Variants in CCSER1 observed in about 807,000 individuals in gnomAD.
The protein encoded by CCSER1 is serine-rich coiled-coil domain-containing protein 1.
Under a neutral mutation model 82.0 loss-of-function variants are expected in CCSER1, and 41 were observed. That is an observed-to-expected ratio of 0.50 (90% CI 0.39 to 0.65). The LOEUF (loss-of-function observed/expected upper bound fraction) is 0.65. Ranked by LOEUF, CCSER1 falls within the 30% of genes least tolerant of loss-of-function variation. The pLI, the probability that CCSER1 is intolerant of heterozygous loss-of-function variation, is 0.00. For synonymous variants in CCSER1, 414 were observed against 383.9 expected, an observed-to-expected ratio of 1.08 and a Z score of -0.92; for missense variants, 1,119 against 1,064.2, an observed-to-expected ratio of 1.05 and a Z score of -0.72.
chr4:90,441,741 CCT>C, intron 4 of CCSER1, among the ~76,000 whole-genome samples: 1 of 152,262 alleles, frequency 6.6e-6, no homozygotes, highest in Non-Finnish European at 1.5e-5. Flanking sequence ...TCCACAAGTA[CCT>C]CGTGTCTGTG....
chr4:90,954,909 C>A (rs1041965977), intron 9 of CCSER1, among the ~76,000 whole-genome samples: 1 of 152,130 alleles, frequency 6.6e-6, no homozygotes, highest in Admixed American at 6.6e-5. Flanking sequence ...CTTCTATATA[C>A]ATGTATGCCC....
intron 10 of CCSER1, among the ~76,000 whole-genome samples, chr4:91,131,122 T>A (rs1403399220): frequency 6.6e-6 from 1 of 151,886 alleles, no homozygotes; most frequent in African/African-American, 2.4e-5. Flanking sequence ...CACTTATTAT[T>A]TTTGTTCTAA....
At chr4:91,259,578 C>A (rs895982765) in intron 10 of CCSER1, among the ~76,000 whole-genome samples, 2 of 152,006 alleles carry the variant, frequency 1.3e-5, no homozygotes, top group South Asian at 2.1e-4. Context: ...TCTCCTAATG[C>A]TCTCCCTCCC....
At chr4:91,350,812 A>G (rs1239512403) in intron 10 of CCSER1, among the ~76,000 whole-genome samples, 2 of 152,036 alleles carry the variant, frequency 1.3e-5, no homozygotes, top group African/African-American at 4.8e-5. Flanking sequence ...TATTAAGCAC[A>G]CAGTAGGCTA....
chr4:91,390,699 C>T (rs1245595293), intron 10 of CCSER1, among the ~76,000 whole-genome samples: 2 of 151,856 alleles, frequency 1.3e-5, no homozygotes, highest in East Asian at 3.9e-4. Context: ...ACCAGTGAAC[C>T]CATCTGGGCA....
At chr4:91,174,790 G>C (rs1422833982) in intron 10 of CCSER1, among the ~76,000 whole-genome samples, 2 of 149,428 alleles carry the variant, frequency 1.3e-5, no homozygotes. Flanking sequence ...GCTCCTCCTA[G>C]GCCCCATGCT....
Position 90,468,259 on chromosome 4 carries a change from T to C in CCSER1, c.1629T>C (p.Ser543=). 6.2e-7 allele frequency: 1 copy of C among 1,606,328 alleles called. No homozygotes were observed. Among genetic ancestry groups the C allele is most frequent in the Non-Finnish European group, 8.5e-7 (1 of 1,175,352 alleles). The change falls in exon 5 of 11, where the codon TCT becomes TCC. Residue 543 remains serine (S), a synonymous_variant. Transcript: ENST00000509176. The part of the protein sequence containing the change: ...PSVCREDSYH[S]VVSCAAVVLT... ...TTTGCCGGGAGGACTCATATCACTC[T>C]GTCGTCTCATGTGCCGCAGTAGTTC... is the stretch of plus-strand genomic sequence containing the variant.
At chr4:91,184,544 G>A (rs1734344925) in intron 10 of CCSER1, among the ~76,000 whole-genome samples, 1 of 152,138 alleles carries the variant, frequency 6.6e-6, no homozygotes, top group African/African-American at 2.4e-5. Flanking sequence ...AGAATTCCAA[G>A]GGAAAATGTT....
intron 1 of CCSER1, among the ~76,000 whole-genome samples, chr4:90,211,971 C>G (rs1362078664): frequency 2.6e-5 from 4 of 152,158 alleles, no homozygotes; most frequent in Non-Finnish European, 5.9e-5. Context: ...ATGTCAAGTT[C>G]AAGTGCAGAC....
At chr4:91,035,771 C>T (rs925351515) in intron 9 of CCSER1, among the ~76,000 whole-genome samples, 2 of 152,128 alleles carry the variant, frequency 1.3e-5, no homozygotes, top group Non-Finnish European at 2.9e-5. Context: ...CGATCCAACT[C>T]AATGTTTAAT....
rs1044182629 is a variant in CCSER1, at chr4:90,127,668, A to G, written c.-205A>G. On this transcript the variant is annotated 5_prime_UTR_variant, in exon 1 of 11. Coordinates refer to ENST00000509176, the MANE Select transcript of CCSER1 (RefSeq NM_001145065.2). ...GCAGGAGGAGCAGGAGGATTATTAA[A>G]TAACGCAGCTGGACTCTGTGCAACT... The G allele has an allele frequency of 2.0e-5, 3 of 152,994 alleles. No individual in the cohort carries two copies. In the East Asian group the frequency reaches 5.8e-4, roughly 29 times the overall value. The allele number at this position is 152,994 out of a possible 1,614,324, so 9.5% of individuals were successfully genotyped here.
At chr4:90,538,491 T>C (rs1775705799) in intron 5 of CCSER1, among the ~76,000 whole-genome samples, 1 of 152,094 alleles carries the variant, frequency 6.6e-6, no homozygotes, top group Non-Finnish European at 1.5e-5. Context: ...TTTTAAAAAG[T>C]TTTTACTTGA....
intron 4 of CCSER1, among the ~76,000 whole-genome samples, chr4:90,452,287 G>T (rs192856498): frequency 6.6e-6 from 1 of 152,284 alleles, no homozygotes; most frequent in Non-Finnish European, 1.5e-5. Context: ...AGCTTCGTCT[G>T]GGAGGAAGGT....
At chr4:91,413,312 G>A (rs1034381251) in intron 10 of CCSER1, among the ~76,000 whole-genome samples, 32 of 151,940 alleles carry the variant, frequency 2.1e-4, no homozygotes, top group Non-Finnish European at 1.5e-4. Context: ...AGCTAGACAA[G>A]TACCAGGTTT....
chr4:91,038,431 TTA>T (rs1479531414), intron 9 of CCSER1, among the ~76,000 whole-genome samples: 1 of 102,736 alleles, frequency 9.7e-6, no homozygotes, highest in Non-Finnish European at 2.0e-5. Context: ...GCAAAATATT[TTA>T]AAAATACAAA....
chr4:91,094,565 A>G (rs766630898), intron 10 of CCSER1, among the ~76,000 whole-genome samples: 5 of 152,156 alleles, frequency 3.3e-5, no homozygotes, highest in Non-Finnish European at 5.9e-5. Context: ...TCAAGGAACT[A>G]TAATCCCAAA....
intron 9 of CCSER1, among the ~76,000 whole-genome samples, chr4:91,000,464 G>A (rs1442627456): frequency 2.0e-5 from 3 of 151,994 alleles, no homozygotes; most frequent in Non-Finnish European, 4.4e-5. Flanking sequence ...TATGAAAAAT[G>A]ACATTGGTGG....
chr4:90,165,657 G>A (rs1011653150), intron 1 of CCSER1, among the ~76,000 whole-genome samples: 8 of 151,986 alleles, frequency 5.3e-5, no homozygotes, highest in Admixed American at 3.3e-4. Flanking sequence ...ATAATTACAT[G>A]TTTCTGTGAT....
chr4:91,043,105 C>T (rs1433953017), intron 9 of CCSER1, among the ~76,000 whole-genome samples: 3 of 151,778 alleles, frequency 2.0e-5, no homozygotes, highest in Non-Finnish European at 2.9e-5. Context: ...AAAGAAATAA[C>T]TTTAAAAACA....
Sources: allele counts gnomAD v4.1 joint callset (sites outside exome capture counted in the v4.1 genomes callset), GRCh38; gene constraint gnomAD v4.1.1; transcripts MANE v1.5; gene names NCBI Gene and HGNC (gene_info 2026-07-23, HGNC 2026-07-21).